Variants in ZNF800 observed in about 807,000 individuals in gnomAD.
ZNF800 encodes the protein zinc finger protein 800.
In ZNF800, 13 loss-of-function variants were observed where a neutral mutation model predicts 59.5. That is an observed-to-expected ratio of 0.22 (90% CI 0.14 to 0.35). The LOEUF is 0.35. Ranked by LOEUF, ZNF800 falls within the 10% of genes least tolerant of loss-of-function variation. The probability of loss-of-function intolerance (pLI) is 1.00; values close to 1 mark genes in which losing one functional copy is unlikely to be tolerated. For synonymous variants in ZNF800, 266 were observed against 265.7 expected, an observed-to-expected ratio of 1.00 and a Z score of -0.01; for missense variants, 621 against 783.7, an observed-to-expected ratio of 0.79 and a Z score of 2.48.
rs947024181 is a variant in ZNF800 at position 127,381,066 on chromosome 7, T to C, written c.158-3737A>G. On this transcript the variant is annotated intron_variant, in intron 3 of 5. Transcript: ENST00000265827. ...AATCAGTATTCAATTTTACATTAGG[T>C]TGGATGGCAGTCACATTACAATATG... is the stretch of plus-strand genomic sequence containing the variant. Among the ~76,000 whole-genome samples, 3 of 152,320 alleles carry C rather than the reference T, an allele frequency of 2.0e-5. No individual in the cohort carries two copies. The South Asian group carries it at 6.2e-4, about 32-fold the overall frequency.
intron 1 of ZNF800, among the ~76,000 whole-genome samples, chr7:127,353,025 G>A (rs1290397869): frequency 9.9e-5 from 15 of 152,072 alleles, no homozygotes; most frequent in Non-Finnish European, 2.9e-5. Flanking sequence ...CAGCAGATAA[G>A]GCCAAAGTGG....
chr7:127,348,199 A>G (rs1433710690), intron 1 of ZNF800, among the ~76,000 whole-genome samples: 1 of 152,170 alleles, frequency 6.6e-6, no homozygotes, highest in Non-Finnish European at 1.5e-5. Context: ...GTGCCAAGAG[A>G]GAAAACTGCG....
downstream of ZNF800, among the ~76,000 whole-genome samples, chr7:127,345,491 C>T (rs929608100): frequency 2.6e-5 from 4 of 151,980 alleles, no homozygotes; most frequent in Non-Finnish European, 4.4e-5. Flanking sequence ...CTAAAGGATA[C>T]GGTTGTGGTG....
chr7:127,384,883 A>G (rs1231862914), intron 3 of ZNF800, among the ~76,000 whole-genome samples: 1 of 152,182 alleles, frequency 6.6e-6, no homozygotes, highest in East Asian at 1.9e-4. Context: ...AAACAACAAA[A>G]AATCCCTAAA....
At chr7:127,354,907 T>C (rs1235742852) in intron 1 of ZNF800, among the ~76,000 whole-genome samples, 1 of 152,100 alleles carries the variant, frequency 6.6e-6, no homozygotes, top group African/African-American at 2.4e-5. Flanking sequence ...AAAATAACTA[T>C]TAGCCTTAAT....
chr7:127,363,932 T>C (rs1464144683), intron 1 of ZNF800: 2 of 152,042 alleles, frequency 1.3e-5, no homozygotes, highest in African/African-American at 2.4e-5. Context: ...AAAAGAGAGA[T>C]TGAAGGTGCC....
At chr7:127,355,035 A>T (rs1800242019) in intron 1 of ZNF800, among the ~76,000 whole-genome samples, 1 of 152,096 alleles carries the variant, frequency 6.6e-6, no homozygotes. Flanking sequence ...AAAACATTTC[A>T]GTTATTGAGT....
downstream of ZNF800, among the ~76,000 whole-genome samples, chr7:127,346,118 CA>C (rs1280822311): frequency 6.6e-6 from 1 of 152,078 alleles, no homozygotes; most frequent in African/African-American, 2.4e-5. Flanking sequence ...TCTATTATCA[CA>C]AAAAGGAAGG....
chr7:127,351,911 T>C (rs1480709496), intron 1 of ZNF800, among the ~76,000 whole-genome samples: 1 of 152,238 alleles, frequency 6.6e-6, no homozygotes, highest in Non-Finnish European at 1.5e-5. Flanking sequence ...ATTCTGGAAC[T>C]GAGCAGCAAC....
chr7:127,374,141 T>G lies in ZNF800; in HGVS notation c.1195A>C (p.Asn399His), dbSNP rs201247676. The stretch of plus-strand genomic sequence containing the variant: ...TTTATTTCTGAACTGTTGGCAGTAT[T>G]ATTAGGGCCTTTTTCTCTTTTAGAG... The part of the protein sequence containing the change: ...TNSKREKGPN[N>H]TANSSEIKVK... Residue 399 changes from asparagine to histidine, a missense_variant, in exon 5 of 6, where the codon AAT becomes CAT. Around this residue, in one of 7 missense-constraint regions of ZNF800, gnomAD observed 185 missense variants for 177.6 expected, o/e 1.04. Coordinates refer to ENST00000265827, the MANE Select transcript of ZNF800 (RefSeq NM_176814.5). 23 of 1,613,426 alleles carry G rather than the reference T, an allele frequency of 1.4e-5. No individual in the cohort carries two copies. In the East Asian group the frequency reaches 4.7e-4, roughly 33 times the overall value.
Position 127,373,763 on chromosome 7 carries a change from T to C in ZNF800, c.1573A>G (p.Thr525Ala), listed in dbSNP as rs1176948156. Reference sequence around the variant, plus strand: ...TCACGTTTCCGACGAGTTTCATAAGTGCAAAGAGGACACTTGTAGAATTTA... The same window carrying C: ...TCACGTTTCCGACGAGTTTCATAAGCGCAAAGAGGACACTTGTAGAATTTA... ...YVKFYKCPLC[T>A]YETRRKRDVI... The change falls in exon 5 of 6, where the codon ACT becomes GCT. Residue 525 changes from threonine (T) to alanine (A), a missense_variant. Around this residue, in one of 7 missense-constraint regions of ZNF800, gnomAD observed 46 missense variants for 118.4 expected, o/e 0.39. Coordinates refer to ENST00000265827, the MANE Select transcript of ZNF800 (RefSeq NM_176814.5). 3 of 1,614,076 alleles carry C rather than the reference T, an allele frequency of 1.9e-6. No homozygotes were observed. Among genetic ancestry groups the C allele is most frequent in the Non-Finnish European group, 2.5e-6 (3 of 1,180,034 alleles).
chr7:127,358,989 A>C (rs925864580), intron 1 of ZNF800, among the ~76,000 whole-genome samples: 2 of 152,154 alleles, frequency 1.3e-5, no homozygotes, highest in East Asian at 3.9e-4. Context: ...ATTTTTAAAT[A>C]ATTTCTTTCA....
chr7:127,374,278 T>G lies in ZNF800; in HGVS notation c.1058A>C (p.Glu353Ala). 6.2e-7 allele frequency: 1 copy of G among 1,613,820 alleles called. No individual in the cohort carries two copies. Among genetic ancestry groups the G allele is most frequent in the Non-Finnish European group, 8.5e-7 (1 of 1,179,950 alleles). ...GCATTTGCATGCAGTTAAATTGTAT[T>G]CAGCCTTTGAAGAAGACTTTTGTTT... is the stretch of plus-strand genomic sequence containing the variant. ...TRKQKSSSKA[E>A]YNLTACKCLL... Residue 353 changes from glutamate (E) to alanine (A), a missense_variant, in exon 5 of 6, where the codon GAA becomes GCA. Coordinates refer to ENST00000265827, the MANE Select transcript of ZNF800 (RefSeq NM_176814.5).
chr7:127,352,515 T>A (rs1196509006), intron 1 of ZNF800, among the ~76,000 whole-genome samples: 2 of 152,194 alleles, frequency 1.3e-5, no homozygotes, highest in Non-Finnish European at 2.9e-5. Context: ...GGAAGATGAG[T>A]GTGTTGCACT....
downstream of ZNF800, among the ~76,000 whole-genome samples, chr7:127,368,786 C>G (rs1800564908): frequency 6.6e-6 from 1 of 152,090 alleles, no homozygotes; most frequent in Admixed American, 6.6e-5. Flanking sequence ...CCCACTACTG[C>G]ATCCATAGGC....
intron 3 of ZNF800, among the ~76,000 whole-genome samples, chr7:127,385,460 AATTAT>A (rs1459357948): frequency 6.6e-6 from 1 of 152,218 alleles, no homozygotes. Flanking sequence ...ACAATTACAC[AATTAT>A]ATTTATTATA....
intron 3 of ZNF800, among the ~76,000 whole-genome samples, chr7:127,379,870 C>CAGAG (rs71179575): frequency 2.5e-4 from 21 of 83,878 alleles, no homozygotes; most frequent in African/African-American, 8.3e-4. Context: ...CACACACACA[C>CAGAG]AGAGAGAGAG....
intron 1 of ZNF800, among the ~76,000 whole-genome samples, chr7:127,356,816 A>G (rs1800280741): frequency 6.6e-6 from 1 of 151,980 alleles, no homozygotes; most frequent in Admixed American, 6.6e-5. Flanking sequence ...GAATAAAAAA[A>G]TTGTTTTATT....
intron 3 of ZNF800, among the ~76,000 whole-genome samples, chr7:127,380,015 CTGACTA>C (rs1800929082): frequency 6.6e-6 from 1 of 151,934 alleles, no homozygotes. Flanking sequence ...TTTTTCCTCT[CTGACTA>C]TAACATTCTC....
Sources: gnomAD v4.1 joint callset for allele counts (sites outside exome capture counted in the v4.1 genomes callset) on GRCh38, gnomAD v4.1.1 for gene constraint, gnomAD v4.1.1 regional missense constraint, MANE v1.5 for transcripts, NCBI Gene and HGNC (gene_info 2026-07-23, HGNC 2026-07-21) for gene names.